The following SORCS1 variants were observed in gnomAD, a reference collection of about 807,000 sequenced individuals.
SORCS1 encodes VPS10 domain-containing receptor SorCS1.
SORCS1 carries 60 observed loss-of-function variants against 146.1 expected under a neutral mutation model. That is an observed-to-expected ratio of 0.41 (90% CI 0.33 to 0.51). The LOEUF is 0.51. Ranked by LOEUF, SORCS1 falls within the 20% of genes least tolerant of loss-of-function variation. The probability of loss-of-function intolerance (pLI) is 0.21; values close to 1 mark genes in which losing one functional copy is unlikely to be tolerated. For synonymous variants in SORCS1, 637 were observed against 584.0 expected, an observed-to-expected ratio of 1.09 and a Z score of -1.31; for missense variants, 1,352 against 1,487.6, an observed-to-expected ratio of 0.91 and a Z score of 1.50.
At chr10:106,893,409 T>G (rs7076579) in intron 2 of SORCS1, among the ~76,000 whole-genome samples, 2 of 151,966 alleles carry the variant, frequency 1.3e-5, no homozygotes, top group African/African-American at 2.4e-5. Flanking sequence ...TCTTTTTTCC[T>G]TATTAGCCTA....
rs1215027034 is a variant in SORCS1 at position 106,907,627 on chromosome 10, G to A, written c.626+48886C>T. On this transcript the variant is annotated intron_variant, in intron 2 of 25. Transcript: ENST00000263054. ...ACAAAAATGAGTATCCATGAATAAT[G>A]TTAAAAAATTATGTCACGGTTAGGT... Among the ~76,000 whole-genome samples the A allele has an allele frequency of 2.6e-5, 4 of 152,026 alleles. No homozygotes were observed. The East Asian group carries it at 7.7e-4, about 29-fold the overall frequency.
intron 2 of SORCS1, among the ~76,000 whole-genome samples, chr10:106,838,427 A>G (rs1031413239): frequency 1.9e-4 from 29 of 152,166 alleles, no homozygotes; most frequent in African/African-American, 6.8e-4. Flanking sequence ...AGAACCTATA[A>G]CGAAGGATAA....
chr10:107,009,868 T>A (rs1210721381), intron 1 of SORCS1, among the ~76,000 whole-genome samples: 1 of 152,104 alleles, frequency 6.6e-6, no homozygotes, highest in Non-Finnish European at 1.5e-5. Flanking sequence ...AGACAATACG[T>A]AATATAAGTA....
chr10:106,762,486 G>A (rs748938995), intron 4 of SORCS1, among the ~76,000 whole-genome samples: 7 of 137,454 alleles, frequency 5.1e-5, no homozygotes, highest in Non-Finnish European at 7.6e-5. Context: ...TCTGCCTCCC[G>A]GGTTCACGCC....
intron 1 of SORCS1, among the ~76,000 whole-genome samples, chr10:106,967,055 G>A (rs1955527083): frequency 6.6e-6 from 1 of 150,596 alleles, no homozygotes; most frequent in South Asian, 2.1e-4. Flanking sequence ...GAAAATAGGG[G>A]ACACATTTAA....
At chr10:107,113,700 A>AG (rs1336173063) in intron 1 of SORCS1, among the ~76,000 whole-genome samples, 2 of 151,314 alleles carry the variant, frequency 1.3e-5, no homozygotes, top group Admixed American at 6.6e-5. Flanking sequence ...AAAAAAAAAA[A>AG]AAAAAAAAGG....
At chr10:106,654,147 C>A (rs1850097155) in intron 17 of SORCS1, among the ~76,000 whole-genome samples, 1 of 152,178 alleles carries the variant, frequency 6.6e-6, no homozygotes, top group South Asian at 2.1e-4. Context: ...TTCTCTAAGA[C>A]AATTTCCCTG....
intron 17 of SORCS1, among the ~76,000 whole-genome samples, chr10:106,665,687 T>C (rs1417142408): frequency 6.6e-6 from 1 of 152,070 alleles, no homozygotes; most frequent in Non-Finnish European, 1.5e-5. Flanking sequence ...AAAATAAGAC[T>C]TATTTTTTTC....
At chr10:107,031,104 G>A (rs1352175077) in intron 1 of SORCS1, among the ~76,000 whole-genome samples, 2 of 152,074 alleles carry the variant, frequency 1.3e-5, no homozygotes, top group Admixed American at 6.6e-5. Flanking sequence ...TCATGCAGAC[G>A]GAAGCAGAGG....
At chr10:106,613,330 C>T (rs1847133990) in intron 21 of SORCS1, among the ~76,000 whole-genome samples, 1 of 152,070 alleles carries the variant, frequency 6.6e-6, no homozygotes, top group Admixed American at 6.6e-5. Context: ...AACTATCGAC[C>T]ACCGTGCATG....
At position 106,910,080 on chromosome 10, in the gene SORCS1, C is replaced by T. The variant is rs189122255; in HGVS notation, c.626+46433G>A. Among the ~76,000 whole-genome samples the T allele has an allele frequency of 4.9e-4, 75 of 152,260 alleles. No homozygotes were observed. In the Middle Eastern group the frequency reaches 0.01, roughly 21 times the overall value. ...AAATAACTTATCTAAATATATAATG[C>T]AAAGCAATTCTATTCTCTGTGGCTT... On this transcript the variant is annotated intron_variant, in intron 2 of 25. Transcript: ENST00000263054.
At chr10:106,820,560 G>A (rs903083721) in intron 3 of SORCS1, among the ~76,000 whole-genome samples, 3 of 152,164 alleles carry the variant, frequency 2.0e-5, no homozygotes, top group East Asian at 1.9e-4. Flanking sequence ...AATTTCTCCA[G>A]GGGAGAAATA....
chr10:106,933,523 C>T (rs1456724223), intron 2 of SORCS1, among the ~76,000 whole-genome samples: 2 of 152,062 alleles, frequency 1.3e-5, no homozygotes, highest in Admixed American at 6.5e-5. Flanking sequence ...TAATGAGTAC[C>T]ACTATGTGGT....
At chr10:106,958,005 C>T (rs934519139) in intron 1 of SORCS1, among the ~76,000 whole-genome samples, 5 of 152,192 alleles carry the variant, frequency 3.3e-5, no homozygotes, top group African/African-American at 1.2e-4. Context: ...CTATATACCC[C>T]TTCTCAGTCA....
chr10:106,984,525 C>T lies in SORCS1; in HGVS notation c.559-27945G>A, dbSNP rs189387091. ...TCTCCTGCCTCAGCCTCCTGAGTAGCTGGGACTACAGGTGCCCTCCACCAC... is the reference window on the plus strand; with the variant it reads ...TCTCCTGCCTCAGCCTCCTGAGTAGTTGGGACTACAGGTGCCCTCCACCAC... On this transcript the variant is annotated intron_variant, in intron 1 of 25. Coordinates refer to ENST00000263054, the MANE Select transcript of SORCS1 (RefSeq NM_052918.5). Among the ~76,000 whole-genome samples, 171 of 151,680 alleles carry T rather than the reference C, an allele frequency of 1.1e-3. 1 individual carries two copies. The highest frequency in any genetic ancestry group is 3.0e-3 in the African/African-American group (126 of 41,366).
intron 2 of SORCS1, among the ~76,000 whole-genome samples, chr10:106,872,008 T>C (rs1950423815): frequency 6.6e-6 from 1 of 152,112 alleles, no homozygotes; most frequent in South Asian, 2.1e-4. Context: ...CCACTGTCAA[T>C]GAAACAAATA....
At chr10:106,788,024 A>G (rs564250163) in intron 3 of SORCS1, among the ~76,000 whole-genome samples, 5 of 152,344 alleles carry the variant, frequency 3.3e-5, no homozygotes, top group African/African-American at 1.2e-4. Context: ...GGGTGAACAT[A>G]CATTACATGT....
intron 2 of SORCS1, among the ~76,000 whole-genome samples, chr10:106,883,846 T>A (rs532518505): frequency 2.4e-4 from 37 of 152,334 alleles, no homozygotes; most frequent in African/African-American, 8.9e-4. Flanking sequence ...TAAGTTGACC[T>A]TTCATACAGT....
Position 106,671,251 on chromosome 10 carries a change from C to T in SORCS1, c.2175G>A (p.Glu725=). ...AMESEPCVCT[E]ADFDCDYGYE... ...CACAAGCTCACCAATCAAAATCAGC[C>T]TCAGTGCAGACACAGGGTTCAGATT... Residue 725 remains glutamate, a synonymous_variant, in exon 16 of 26, where the codon GAG becomes GAA. Coordinates refer to ENST00000263054, the MANE Select transcript of SORCS1 (RefSeq NM_052918.5). 1 of 1,614,118 alleles carries T rather than the reference C, an allele frequency of 6.2e-7. No homozygotes were observed. Among genetic ancestry groups the T allele is most frequent in the Non-Finnish European group, 8.5e-7 (1 of 1,179,960 alleles).
Sources: allele counts gnomAD v4.1 joint callset (sites outside exome capture counted in the v4.1 genomes callset), GRCh38; gene constraint gnomAD v4.1.1; transcripts MANE v1.5; gene names NCBI Gene and HGNC (gene_info 2026-07-23, HGNC 2026-07-21).